Variants in AGRN observed in about 807,000 individuals in gnomAD.
AGRN encodes the protein agrin proteoglycan.
Under a neutral mutation model 211.0 loss-of-function variants are expected in AGRN, and 106 were observed. That is an observed-to-expected ratio of 0.50 (90% CI 0.43 to 0.59). The LOEUF (loss-of-function observed/expected upper bound fraction) is 0.59. Among genes scored for constraint, AGRN ranks in the 20% least tolerant of loss-of-function variants. The pLI is 0.00. For synonymous variants in AGRN, 1,525 were observed against 1,332.5 expected (o/e 1.14, Z -3.15); for missense variants, 3,040 against 2,982.6 (o/e 1.02, Z -0.45).
intron 2 of AGRN, among the ~76,000 whole-genome samples, chr1:1,023,918 C>T (rs1198490484): frequency 2.0e-5 from 3 of 152,098 alleles, no homozygotes; most frequent in Non-Finnish European, 2.9e-5. Context: ...GGGACGAGCT[C>T]CAGGTGGGGA....
At chr1:1,030,458 CAT>C (rs1491139638) in intron 2 of AGRN, among the ~76,000 whole-genome samples, 6 of 14,898 alleles carry the variant, frequency 4.0e-4, no homozygotes, top group Non-Finnish European at 6.3e-4. Flanking sequence ...GTGAGATCAG[CAT>C]GTGTGTGTGT....
In AGRN at chr1:1,032,919, A is replaced by G. The variant is rs1209454636; in HGVS notation, c.464-2358A>G. 2.0e-5 allele frequency among the ~76,000 whole-genome samples: 3 copies of G among 151,824 alleles called. No homozygotes were observed. The highest frequency in any genetic ancestry group is 2.9e-5 in the Non-Finnish European group (2 of 67,938). ...CTCTAGGGGATGGTGCACACACCGGACCGGACGGGCCCCTCCCTTACCCCC... is the reference window on the plus strand; with the variant it reads ...CTCTAGGGGATGGTGCACACACCGGGCCGGACGGGCCCCTCCCTTACCCCC... On this transcript the variant is annotated intron_variant, in intron 2 of 35. Coordinates refer to ENST00000379370, the MANE Select transcript of AGRN (RefSeq NM_198576.4). This position sits in a 1 kb window ranked among gnomAD's most constrained non-coding sequence, Gnocchi z 4.7.
chr1:1,045,666 G>A (rs1645070628), intron 14 of AGRN, 67 bp from the exon 15 acceptor site: 2 of 1,611,910 alleles, frequency 1.2e-6, no homozygotes, highest in African/African-American at 2.7e-5. Flanking sequence ...TGGGGACCAG[G>A]CTCTGGAGGA....
At position 1,052,756 on chromosome 1, in the gene AGRN, GGTCCATGTGT is replaced by G. The variant is rs200329669; in HGVS notation, c.5651+944_5651+953del. The G allele has an allele frequency of 3.4e-3, 529 of 156,130 alleles. 6 individuals carry two copies. Among genetic ancestry groups the G allele is most frequent in the African/African-American group, 0.013 (506 of 40,150 alleles). The allele number at this position is 156,130 out of a possible 1,614,324, so 9.7% of individuals were successfully genotyped here. ...GTGTGTGTCCGAGTGTGTGTGCATG[GGTCCATGTGT>G]GTATAGTGTGTGCACATGGGTCCAT... On this transcript the variant is annotated intron_variant, in intron 33 of 35. Transcript: ENST00000379370.
intron 3 of AGRN, among the ~76,000 whole-genome samples, chr1:1,036,381 G>A (rs1222863453): frequency 6.6e-6 from 1 of 152,136 alleles, no homozygotes; most frequent in East Asian, 1.9e-4. Context: ...CCCTCGGAGT[G>A]TGGAGTTTAG....
chr1:1,041,913 G>A (rs200929409), intron 6 of AGRN, 43 bp from the exon 7 acceptor site: 50 of 1,604,292 alleles, frequency 3.1e-5, no homozygotes, highest in Admixed American at 1.7e-4. Flanking sequence ...AGGGATGGAG[G>A]GTGCTCCAGC....
In AGRN at chr1:1,020,833, G is replaced by A. The variant is rs1557680468; in HGVS notation, c.201+460G>A. Among the ~76,000 whole-genome samples, 7 of 122,614 alleles carry A rather than the reference G, an allele frequency of 5.7e-5. No individual in the cohort carries two copies. The Admixed American group carries it at 6.5e-4, about 11-fold the overall frequency. 80.4% of individuals were successfully genotyped at this position (122,614 alleles called of 152,430 possible). On this transcript the variant is annotated intron_variant, in intron 1 of 35. Transcript: ENST00000379370. ...CCCAACCCCGGGAGCCAGGTGGGGG[G>A]TGCCGCAGTGGTGCGGGGGGGGGGC...
chr1:1,047,573 C>T lies in AGRN; in HGVS notation c.3517C>T (p.Leu1173=), dbSNP rs756576195. The T allele has an allele frequency of 6.8e-6, 11 of 1,612,934 alleles. No individual in the cohort carries two copies. Among genetic ancestry groups the T allele is most frequent in the Non-Finnish European group, 9.3e-6 (11 of 1,180,026 alleles). The change falls in exon 21 of 36, where the codon CTG becomes TTG. Residue 1173 remains leucine (L), a splice_region_variant and synonymous_variant. Transcript: ENST00000379370. ...GETARSIEST[L]DDLFRNSDVK... ...AGTCCTTGCCTACTCCCTGCCACAG[C>T]TGGACGACCTCTTCCGGAATTCAGA...
At position 1,055,300 on chromosome 1, in the gene AGRN, G is replaced by A. The variant is rs950948848; in HGVS notation, c.*319G>A. On this transcript the variant is annotated 3_prime_UTR_variant, in exon 36 of 36. Coordinates refer to ENST00000379370, the MANE Select transcript of AGRN (RefSeq NM_198576.4). ...CCGGCTCCTGAATCACCCTCGCTCC[G>A]TCAGGCGGGACTCGTGTCCCAGAGA... is the stretch of plus-strand genomic sequence containing the variant. 21 of 418,612 alleles carry A rather than the reference G, an allele frequency of 5.0e-5. No individual in the cohort carries two copies. Among genetic ancestry groups the A allele is most frequent in the Non-Finnish European group, 7.3e-5 (16 of 220,400 alleles). 25.9% of individuals were successfully genotyped at this position (418,612 alleles called of 1,614,324 possible). A position where few individuals can be genotyped will look rare whatever the true frequency, so the allele number is the denominator to read the frequency against.
At chr1:1,049,478 C>T (rs767632228) in intron 25 of AGRN, 27 bp downstream of exon 25, 63 of 1,600,000 alleles carry the variant, frequency 3.9e-5, no homozygotes, top group South Asian at 1.1e-5. Context: ...GTGGTGTGGC[C>T]CCGACCCCGG....
rs1037965299 is a variant in AGRN, at chr1:1,051,180, C to T, written c.5254-73C>T. On this transcript the variant is annotated intron_variant, in intron 30 of 35. Transcript: ENST00000379370. ...AGGCAATGGGCGGGTGGGGCGGGTGCGTGCAGGTGCCTGGGCCCTGGGTCT... is the reference window on the plus strand; with the variant it reads ...AGGCAATGGGCGGGTGGGGCGGGTGTGTGCAGGTGCCTGGGCCCTGGGTCT... The T allele has an allele frequency of 5.0e-5, 76 of 1,517,646 alleles. No individual in the cohort carries two copies. In the Admixed American group the frequency reaches 7.1e-4, roughly 14 times the overall value. 94.0% of individuals were successfully genotyped at this position (1,517,646 alleles called of 1,614,324 possible).
Position 1,055,256 on chromosome 1 carries a change from T to A in AGRN, c.*275T>A, listed in dbSNP as rs1044066071. 2 of 504,086 alleles carry A rather than the reference T, an allele frequency of 4.0e-6. No individual in the cohort carries two copies. Among genetic ancestry groups the A allele is most frequent in the African/African-American group, 3.9e-5 (2 of 51,610 alleles). The allele number at this position is 504,086 out of a possible 1,614,324, so 31.2% of individuals were successfully genotyped here. ...CTTGCACTGCGCCTGCCCCACGGTG[T>A]CCCCGCCGGGAAGCAGCCCCGGCTC... On this transcript the variant is annotated 3_prime_UTR_variant, in exon 36 of 36. Coordinates refer to ENST00000379370, the MANE Select transcript of AGRN (RefSeq NM_198576.4).
chr1:1,023,494 C>T (rs1358713561), intron 2 of AGRN, among the ~76,000 whole-genome samples: 1 of 152,024 alleles, frequency 6.6e-6, no homozygotes, highest in Non-Finnish European at 1.5e-5. Context: ...ACTGGGAGGA[C>T]ATGATAACCT....
In AGRN at chr1:1,047,338, T is replaced by C. The variant is rs765851721; in HGVS notation, c.3400T>C (p.Phe1134Leu). 1.2e-6 allele frequency: 2 copies of C among 1,604,854 alleles called. No individual in the cohort carries two copies. Among genetic ancestry groups the C allele is most frequent in the East Asian group, 2.2e-5 (1 of 44,790 alleles). Residue 1134 changes from phenylalanine to leucine, a missense_variant, in exon 20 of 36, where the codon TTC (phenylalanine) becomes CTC (leucine). Transcript: ENST00000379370. ...EGSNCPATKV[F>L]QGVLELEGVE... is the part of the protein sequence containing the mutation. ...TACCTCCCCCACAGCCACCAAGGTG[T>C]TCCAGGGCGTCCTGGAGCTGGAGGG...
chr1:1,040,656 C>G lies in AGRN; in HGVS notation c.512-9C>G. On this transcript the variant is annotated splice_polypyrimidine_tract_variant and intron_variant, in intron 3 of 35. Coordinates refer to ENST00000379370, the MANE Select transcript of AGRN (RefSeq NM_198576.4). ...CGGCACCCTGAGCTTTCTCCCCTAC[C>G]CGCCCCAGCGTGCCGGGGAATGCTG... 1 of 1,547,198 alleles carries G rather than the reference C, an allele frequency of 6.5e-7. No individual in the cohort carries two copies. Among genetic ancestry groups the G allele is most frequent in the Middle Eastern group, 2.0e-4 (1 of 5,056 alleles).
chr1:1,020,159 C>T lies in AGRN; in HGVS notation c.-14C>T, dbSNP rs1644362706. 3.1e-6 allele frequency: 4 copies of T among 1,301,012 alleles called. No individual in the cohort carries two copies. The highest frequency in any genetic ancestry group is 2.9e-6 in the Non-Finnish European group (3 of 1,017,600). The allele number at this position is 1,301,012 out of a possible 1,614,324, so 80.6% of individuals were successfully genotyped here. ...CGCGGCCCGCGCGCTCCTCCGCCGC[C>T]TCTCGCCTGCGCCATGGCCGGCCGG... is the stretch of plus-strand genomic sequence containing the variant. On this transcript the variant is annotated 5_prime_UTR_variant, in exon 1 of 36. Coordinates refer to ENST00000379370, the MANE Select transcript of AGRN (RefSeq NM_198576.4).
intron 2 of AGRN, chr1:1,034,703 T>C (rs1412833379): frequency 1.0e-6 from 1 of 996,406 alleles, no homozygotes. Context: ...CCTCAACAAC[T>C]GTAGGTGGCC....
chr1:1,022,836 C>G (rs972671706), intron 2 of AGRN, among the ~76,000 whole-genome samples: 1 of 152,284 alleles, frequency 6.6e-6, no homozygotes, highest in East Asian at 1.9e-4. Context: ...TCCGTCTAGA[C>G]GGGCCCGCGT....
rs1323342587 is a variant in AGRN, at chr1:1,048,382, C to T, written c.4105+17C>T. ...GTGAGAAGGGTAAGGATGTCCACTG[C>T]AGAGGAGGGCGGGGAGGCAGCAGGG... is the stretch of plus-strand genomic sequence containing the variant. On this transcript the variant is annotated intron_variant, in intron 23 of 35. Coordinates refer to ENST00000379370, the MANE Select transcript of AGRN (RefSeq NM_198576.4). The surrounding 1 kb of genome is among the most constrained non-coding windows in gnomAD (Gnocchi z 5.9). 2 of 1,421,058 alleles carry T rather than the reference C, an allele frequency of 1.4e-6. No homozygotes were observed. Among genetic ancestry groups the T allele is most frequent in the Admixed American group, 2.8e-5 (1 of 35,274 alleles). The allele number at this position is 1,421,058 out of a possible 1,614,324, so 88.0% of individuals were successfully genotyped here.
Sources: allele counts gnomAD v4.1 joint callset (sites outside exome capture counted in the v4.1 genomes callset), GRCh38; gene constraint gnomAD v4.1.1; non-coding constraint Gnocchi (gnomAD v3.1); transcripts MANE v1.5; gene names NCBI Gene and HGNC (gene_info 2026-07-23, HGNC 2026-07-21).